The following PRKAA2 variants were observed in gnomAD, a reference collection of about 807,000 sequenced individuals.
PRKAA2 encodes protein kinase AMP-activated catalytic subunit alpha 2, also known as 5'-AMP-activated protein kinase catalytic subunit alpha-2.
In PRKAA2, 40 loss-of-function variants were observed where a neutral mutation model predicts 56.3. That is an observed-to-expected ratio of 0.71 (90% CI 0.55 to 0.92). The LOEUF is 0.92. Ranked by LOEUF, PRKAA2 falls within the 40% of genes least tolerant of loss-of-function variation. PRKAA2 has a pLI of 0.00. For missense variants in PRKAA2, 542 were observed against 686.9 expected (o/e 0.79, Z 2.36); for synonymous variants, 214 against 234.2 (o/e 0.91, Z 0.79).
chr1:56,681,978 T>C lies in PRKAA2; in HGVS notation c.236+7456T>C, dbSNP rs189121412. On this transcript the variant is annotated intron_variant, in intron 2 of 8. Coordinates refer to ENST00000371244, the MANE Select transcript of PRKAA2 (RefSeq NM_006252.4). ...CCATTTTCACGATATTGATTCTTCC[T>C]ATCCATGAGCATGGAATGTTCTTCC... Among the ~76,000 whole-genome samples, 225 of 152,224 alleles carry C rather than the reference T, an allele frequency of 1.5e-3. 1 individual carries two copies. The highest frequency in any genetic ancestry group is 5.0e-3 in the African/African-American group (209 of 41,562).
At chr1:56,675,373 T>C (rs1644105934) in intron 2 of PRKAA2, among the ~76,000 whole-genome samples, 1 of 152,046 alleles carries the variant, frequency 6.6e-6, no homozygotes, top group African/African-American at 2.4e-5. Context: ...TTCTGCTGAA[T>C]GTGTGGAGCA....
At chr1:56,659,754 A>C (rs1643979161) in intron 1 of PRKAA2, among the ~76,000 whole-genome samples, 1 of 151,966 alleles carries the variant, frequency 6.6e-6, no homozygotes, top group African/African-American at 2.4e-5. Context: ...CAAGAAACAT[A>C]AAAATTAGCC....
At chr1:56,695,643 C>T (rs762702058) in intron 5 of PRKAA2, among the ~76,000 whole-genome samples, 4 of 151,954 alleles carry the variant, frequency 2.6e-5, no homozygotes, top group Non-Finnish European at 5.9e-5. Flanking sequence ...CTTTGTTTCC[C>T]TCAAAAATCA....
intron 1 of PRKAA2, among the ~76,000 whole-genome samples, chr1:56,648,498 A>T (rs1399678694): frequency 6.6e-6 from 1 of 152,210 alleles, no homozygotes; most frequent in Non-Finnish European, 1.5e-5. Context: ...TATTATAAAT[A>T]ATGGCACTAC....
chr1:56,679,549 T>C (rs141934465), intron 2 of PRKAA2, among the ~76,000 whole-genome samples: 110 of 152,288 alleles, frequency 7.2e-4, no homozygotes, highest in African/African-American at 2.6e-3. Context: ...ATTTCTTACA[T>C]ACAATCAATC....
At chr1:56,705,191 A>G (rs1644323373) in intron 7 of PRKAA2, among the ~76,000 whole-genome samples, 1 of 152,216 alleles carries the variant, frequency 6.6e-6, no homozygotes, top group Non-Finnish European at 1.5e-5. Context: ...GACGTGTTCA[A>G]ATAAATCAGT....
chr1:56,678,172 A>G (rs1180879307), intron 2 of PRKAA2, among the ~76,000 whole-genome samples: 2 of 152,258 alleles, frequency 1.3e-5, no homozygotes, highest in East Asian at 3.8e-4. Context: ...CAGCCTTGAG[A>G]TTAATTCATT....
chr1:56,691,774 TC>T (rs1422250079), intron 3 of PRKAA2, among the ~76,000 whole-genome samples: 2 of 152,198 alleles, frequency 1.3e-5, no homozygotes, highest in African/African-American at 4.8e-5. Flanking sequence ...CTTAGCACTT[TC>T]ACATATGTTC....
intron 1 of PRKAA2, among the ~76,000 whole-genome samples, chr1:56,665,754 A>G (rs1644031179): frequency 6.6e-6 from 1 of 152,068 alleles, no homozygotes; most frequent in South Asian, 2.1e-4. Context: ...ATGGTATTGT[A>G]TTGCATTGTG....
At chr1:56,667,852 G>C (rs1049221831) in intron 1 of PRKAA2, among the ~76,000 whole-genome samples, 2 of 152,134 alleles carry the variant, frequency 1.3e-5, no homozygotes, top group African/African-American at 4.8e-5. Flanking sequence ...GAAGGATGAT[G>C]TCCATTTCTT....
intron 1 of PRKAA2, among the ~76,000 whole-genome samples, chr1:56,670,475 A>C (rs551276386): frequency 3.3e-4 from 51 of 152,294 alleles, no homozygotes; most frequent in African/African-American, 1.1e-3. Flanking sequence ...ATGAGGAATA[A>C]GTTGCCAGGG....
intron 2 of PRKAA2, 47 bp from the exon 3 acceptor site, chr1:56,691,347 T>G: frequency 7.2e-7 from 1 of 1,385,454 alleles, no homozygotes; most frequent in Non-Finnish European, 1.0e-6. Context: ...AGTTTGATTT[T>G]GGTTAAAGTA....
intron 2 of PRKAA2, among the ~76,000 whole-genome samples, chr1:56,687,296 T>A (rs912664134): frequency 6.6e-6 from 1 of 152,130 alleles, no homozygotes; most frequent in Non-Finnish European, 1.5e-5. Flanking sequence ...AAATAACTTC[T>A]AGAATATTAC....
intron 2 of PRKAA2, among the ~76,000 whole-genome samples, chr1:56,688,655 A>G (rs1465289013): frequency 6.6e-6 from 1 of 152,232 alleles, no homozygotes. Flanking sequence ...AAAATGTAGT[A>G]TGACTCAGTG....
At chr1:56,685,812 G>A (rs1644187287) in intron 2 of PRKAA2, among the ~76,000 whole-genome samples, 1 of 152,066 alleles carries the variant, frequency 6.6e-6, no homozygotes, top group Admixed American at 6.5e-5. Context: ...AGATAGAGGA[G>A]CAACCTATAA....
intron 6 of PRKAA2, among the ~76,000 whole-genome samples, chr1:56,701,184 TC>T (rs1434660367): frequency 7.9e-5 from 12 of 152,240 alleles, no homozygotes; most frequent in Admixed American, 4.6e-4. Flanking sequence ...TTTCTATTTG[TC>T]ATTGATATTT....
At chr1:56,647,333 G>T (rs377328349) in intron 1 of PRKAA2, among the ~76,000 whole-genome samples, 1 of 152,198 alleles carries the variant, frequency 6.6e-6, no homozygotes, top group African/African-American at 2.4e-5. Flanking sequence ...TACACACAAA[G>T]TTATATAACT....
chr1:56,701,717 A>G (rs857153), intron 6 of PRKAA2, among the ~76,000 whole-genome samples: 148,084 of 151,996 alleles, frequency 0.97, 72,156 homozygotes, highest in East Asian at 1. Flanking sequence ...GTGAAACCCC[A>G]TCTCTACTAA....
chr1:56,686,961 C>G (rs1160950743), intron 2 of PRKAA2, among the ~76,000 whole-genome samples: 1 of 151,488 alleles, frequency 6.6e-6, no homozygotes, highest in Non-Finnish European at 1.5e-5. Context: ...CTCAGCTTAC[C>G]GCAACCTCCA....
Sources: gnomAD v4.1 joint callset for allele counts (sites outside exome capture counted in the v4.1 genomes callset) on GRCh38, gnomAD v4.1.1 for gene constraint, MANE v1.5 for transcripts, NCBI Gene and HGNC (gene_info 2026-07-23, HGNC 2026-07-21) for gene names.